MRAP: variants seen among roughly 807,000 people sequenced by gnomAD.
MRAP encodes the protein melanocortin-2 receptor accessory protein.
In MRAP, 8 loss-of-function variants were observed where a neutral mutation model predicts 8.7. That is an observed-to-expected ratio of 0.92 (90% confidence interval 0.54 to 1.66). The LOEUF (loss-of-function observed/expected upper bound fraction) is 1.66, where lower values mean the gene tolerates loss of function less well. Ranked by LOEUF, MRAP falls within the 40% of genes most tolerant of loss-of-function variation. MRAP has a pLI of 0.00. For synonymous variants in MRAP, 95 were observed against 95.5 expected (o/e 1.00, Z 0.03); for missense variants, 237 against 217.1 (o/e 1.09, Z -0.58).
Position 32,306,656 on chromosome 21 carries a change from A to G in MRAP, c.123A>G (p.Ala41=). The change falls in exon 2 of 3, where the codon GCA becomes GCG. Residue 41 remains alanine (A), a synonymous_variant. Coordinates refer to ENST00000303645, the MANE Select transcript of MRAP (RefSeq NM_001379228.1). ...CTCCCGCAGATTCCATCGTGATCGC[A>G]TTCTGGGTGAGCCTGGCTGCCTTCG... The part of the protein sequence containing the change: ...LKAHKHSIVI[A]FWVSLAAFVV... 1.2e-6 allele frequency: 2 copies of G among 1,614,060 alleles called. No individual in the cohort carries two copies. The highest frequency in any genetic ancestry group is 1.7e-6 in the Non-Finnish European group (2 of 1,179,998).
chr21:32,311,012 G>A (rs1384822861), intron 2 of MRAP: 1 of 152,272 alleles, frequency 6.6e-6, no homozygotes, highest in African/African-American at 2.4e-5. Flanking sequence ...CATATCCGAG[G>A]CTGGATAATT....
At chr21:32,301,328 G>T (rs1325731149) in intron 1 of MRAP, among the ~76,000 whole-genome samples, 1 of 152,194 alleles carries the variant, frequency 6.6e-6, no homozygotes, top group East Asian at 1.9e-4. Flanking sequence ...TTAGCACCAT[G>T]CCCTTGGTGC....
chr21:32,292,517 C>A (rs1295433141), intron 1 of MRAP, among the ~76,000 whole-genome samples: 2 of 152,078 alleles, frequency 1.3e-5, no homozygotes, highest in Non-Finnish European at 2.9e-5. Flanking sequence ...AATACAGTGG[C>A]GTGATCTTGG....
intron 1 of MRAP, among the ~76,000 whole-genome samples, chr21:32,300,335 CAG>C (rs777723856): frequency 3.3e-5 from 5 of 152,060 alleles, no homozygotes; most frequent in African/African-American, 4.8e-5. Flanking sequence ...CATCCTATGT[CAG>C]GGGCGTCACG....
At chr21:32,301,327 T>C in intron 1 of MRAP, among the ~76,000 whole-genome samples, 1 of 152,216 alleles carries the variant, frequency 6.6e-6, no homozygotes, top group Non-Finnish European at 1.5e-5. Context: ...GTTAGCACCA[T>C]GCCCTTGGTG....
At chr21:32,300,616 C>A (rs528726001) in intron 1 of MRAP, among the ~76,000 whole-genome samples, 5 of 97,864 alleles carry the variant, frequency 5.1e-5, no homozygotes, top group Non-Finnish European at 9.4e-5. Context: ...ATATGTCACG[C>A]GTCGTATGTC....
At chr21:32,304,306 C>A (rs942335994) in intron 1 of MRAP, among the ~76,000 whole-genome samples, 1 of 152,096 alleles carries the variant, frequency 6.6e-6, no homozygotes, top group African/African-American at 2.4e-5. Flanking sequence ...CTAAGAGAGT[C>A]AGAGGCTTCT....
chr21:32,301,420 G>C (rs1429444261), intron 1 of MRAP, among the ~76,000 whole-genome samples: 1 of 152,098 alleles, frequency 6.6e-6, no homozygotes, highest in African/African-American at 2.4e-5. Context: ...CTCTTGCTCT[G>C]GCCATGGAAA....
chr21:32,292,613 C>G (rs977909897), intron 1 of MRAP, among the ~76,000 whole-genome samples: 1 of 151,988 alleles, frequency 6.6e-6, no homozygotes, highest in Non-Finnish European at 1.5e-5. Flanking sequence ...TGCACCACCA[C>G]GCCTGACTGA....
In MRAP at chr21:32,311,748, C is replaced by A. The variant is rs376465589; in HGVS notation, c.271C>A (p.Gln91Lys). The change falls in exon 3 of 3, where the codon CAG becomes AAG. Residue 91 changes from glutamine (Q) to lysine (K), a missense_variant. Transcript: ENST00000303645. ...SHGLNLHLCIQKCLPCHREPL... is the reference protein window; with the variant it reads ...SHGLNLHLCIKKCLPCHREPL... ...CGGCCTCAACCTCCACCTCTGCATC[C>A]AGAAGTGCCTGCCGTGCCACAGGGA... 1.6e-4 allele frequency: 252 copies of A among 1,614,004 alleles called. No homozygotes were observed. Among genetic ancestry groups the A allele is most frequent in the Non-Finnish European group, 2.0e-4 (239 of 1,180,012 alleles).
downstream of MRAP, chr21:32,314,502 A>G (rs993235981): frequency 8.5e-6 from 13 of 1,535,200 alleles, no homozygotes; most frequent in Admixed American, 1.3e-4. Context: ...AACTTTAAAC[A>G]TCTCTCTTCG....
chr21:32,300,432 G>A (rs908476372), intron 1 of MRAP, among the ~76,000 whole-genome samples: 8 of 150,464 alleles, frequency 5.3e-5, no homozygotes, highest in Admixed American at 2.7e-4. Flanking sequence ...CGTCGGATGC[G>A]TCATGCGTCC....
chr21:32,302,887 C>T (rs538862334), intron 1 of MRAP, among the ~76,000 whole-genome samples: 1 of 151,998 alleles, frequency 6.6e-6, no homozygotes, highest in East Asian at 1.9e-4. Flanking sequence ...CTCAGGCAGC[C>T]AAGTGTCCTG....
At chr21:32,292,254 G>A (rs2032062625) in intron 1 of MRAP, among the ~76,000 whole-genome samples, 1 of 152,300 alleles carries the variant, frequency 6.6e-6, no homozygotes, top group Non-Finnish European at 1.5e-5. Flanking sequence ...CGTGGGTAGG[G>A]TTACAGATGA....
chr21:32,304,100 T>C (rs542706589), intron 1 of MRAP, among the ~76,000 whole-genome samples: 1 of 152,280 alleles, frequency 6.6e-6, no homozygotes, highest in South Asian at 2.1e-4. Flanking sequence ...GTAGGTGCTA[T>C]AAGACCTCAA....
intron 1 of MRAP, among the ~76,000 whole-genome samples, chr21:32,301,949 T>C (rs2032307137): frequency 6.6e-6 from 1 of 152,238 alleles, no homozygotes; most frequent in African/African-American, 2.4e-5. Flanking sequence ...AAAACTCTTT[T>C]TCTCTCATTC....
intron 1 of MRAP, among the ~76,000 whole-genome samples, chr21:32,301,101 CAT>C (rs778024655): frequency 6.2e-5 from 9 of 145,286 alleles, no homozygotes; most frequent in African/African-American, 1.1e-4. Context: ...TATATGATAT[CAT>C]ATATCATATG....
upstream of MRAP, among the ~76,000 whole-genome samples, chr21:32,295,710 T>A (rs564635510): frequency 6.6e-6 from 1 of 152,274 alleles, no homozygotes; most frequent in South Asian, 2.1e-4. Context: ...GAGTGGTGGT[T>A]CATGCCTGTA....
At chr21:32,304,934 C>T (rs1292310611) in intron 1 of MRAP, among the ~76,000 whole-genome samples, 6 of 150,112 alleles carry the variant, frequency 4.0e-5, no homozygotes, top group African/African-American at 9.9e-5. Flanking sequence ...TTCATTATAC[C>T]CTGTTTTGAG....
Sources: gnomAD v4.1 joint callset for allele counts (sites outside exome capture counted in the v4.1 genomes callset) on GRCh38, gnomAD v4.1.1 for gene constraint, MANE v1.5 for transcripts, NCBI Gene and HGNC (gene_info 2026-07-23, HGNC 2026-07-21) for gene names.